The following ZNF415 variants were observed in gnomAD, a reference collection of about 807,000 sequenced individuals.
ZNF415 encodes the protein zinc finger protein 415.
ZNF415 carries 5 observed loss-of-function variants against 7.3 expected under a neutral mutation model. The ratio of observed to expected loss-of-function variants is 0.69; its 90% CI spans 0.36 to 1.44. The LOEUF (loss-of-function observed/expected upper bound fraction) is 1.44. Ranked by LOEUF, ZNF415 falls within the 40% of genes most tolerant of loss-of-function variation. The pLI is 0.04. For synonymous variants in ZNF415, 207 were observed against 226.3 expected, an observed-to-expected ratio of 0.91 and a Z score of 0.77; for missense variants, 628 against 664.8, an observed-to-expected ratio of 0.94 and a Z score of 0.61.
rs61733666 is a variant in ZNF415 at position 53,108,549 on chromosome 19, T to C, written c.1496A>G (p.Asn499Ser). ...IHTGEKPYKCNECGKSFSVRP... is the reference protein window; with the variant it reads ...IHTGEKPYKCSECGKSFSVRP... Reference sequence around the variant, plus strand: ...CACACTAAAGGATTTGCCACACTCATTACATTTGTAAGGTTTTTCTCCAGT... The same window carrying C: ...CACACTAAAGGATTTGCCACACTCACTACATTTGTAAGGTTTTTCTCCAGT... Residue 499 changes from asparagine (N) to serine (S), a missense_variant, in exon 4 of 4, where the codon AAT becomes AGT. Transcript: ENST00000243643. The C allele has an allele frequency of 2.5e-6, 4 of 1,614,144 alleles. No individual in the cohort carries two copies. The highest frequency in any genetic ancestry group is 3.4e-6 in the Non-Finnish European group (4 of 1,180,002).
At chr19:53,116,694 CAG>C (rs2087114138) in intron 2 of ZNF415, among the ~76,000 whole-genome samples, 1 of 150,316 alleles carries the variant, frequency 6.7e-6, no homozygotes, top group Non-Finnish European at 1.5e-5. Context: ...TGGCTCACTG[CAG>C]ACTCAATCTC....
At chr19:53,115,609 A>C (rs1266259237) in intron 3 of ZNF415, 2 of 953,478 alleles carry the variant, frequency 2.1e-6, no homozygotes, top group African/African-American at 3.3e-5. Context: ...CACAGGATAT[A>C]AACATTTGTT....
intron 3 of ZNF415, among the ~76,000 whole-genome samples, chr19:53,114,392 T>C (rs59504768): frequency 0.16 from 23,717 of 152,062 alleles, 2,400 homozygotes; most frequent in African/African-American, 0.29. Context: ...GGTCTTGAAC[T>C]CCTGACCTCA....
At chr19:53,110,857 T>A (rs1278070290) in intron 3 of ZNF415, among the ~76,000 whole-genome samples, 1 of 152,170 alleles carries the variant, frequency 6.6e-6, no homozygotes, top group East Asian at 1.9e-4. Flanking sequence ...CCTGCACTTA[T>A]GTAACAAACA....
intron 2 of ZNF415, 132 bp downstream of exon 2, chr19:53,122,530 G>A: frequency 6.3e-7 from 1 of 1,597,780 alleles, no homozygotes; most frequent in Non-Finnish European, 8.5e-7. Context: ...CTGAGGGAAG[G>A]CACGGGTCAA....
At chr19:53,119,721 C>T (rs2087676221) in intron 2 of ZNF415, among the ~76,000 whole-genome samples, 2 of 151,714 alleles carry the variant, frequency 1.3e-5, no homozygotes, top group South Asian at 2.1e-4. Flanking sequence ...AAAATGGATA[C>T]GTTACAACTG....
At chr19:53,128,891 C>T (rs1202850243) in intron 1 of ZNF415, among the ~76,000 whole-genome samples, 4 of 100,914 alleles carry the variant, frequency 4.0e-5, no homozygotes, top group Admixed American at 1.0e-4. Flanking sequence ...GCAGTCATCC[C>T]GTGGCCCAGA....
At chr19:53,130,410 T>C (rs1210384052) in intron 1 of ZNF415, among the ~76,000 whole-genome samples, 1 of 151,886 alleles carries the variant, frequency 6.6e-6, no homozygotes, top group Non-Finnish European at 1.5e-5. Flanking sequence ...GGAAAGATTT[T>C]GAAATTGTTA....
chr19:53,112,710 G>A (rs910379695), intron 3 of ZNF415, among the ~76,000 whole-genome samples: 5 of 152,246 alleles, frequency 3.3e-5, no homozygotes, highest in Non-Finnish European at 1.5e-5. Context: ...AAGGGCAAGA[G>A]CACAGGAGAG....
At chr19:53,112,238 C>T (rs1428542823) in intron 3 of ZNF415, among the ~76,000 whole-genome samples, 4 of 152,288 alleles carry the variant, frequency 2.6e-5, no homozygotes, top group Non-Finnish European at 4.4e-5. Flanking sequence ...GCAACCACGC[C>T]GGGCCATCAG....
chr19:53,131,167 G>A (rs1338715724), intron 1 of ZNF415, among the ~76,000 whole-genome samples: 4 of 142,422 alleles, frequency 2.8e-5, no homozygotes, highest in Non-Finnish European at 4.5e-5. Flanking sequence ...GTGGCCCAGG[G>A]AAGCCAAAAG....
In ZNF415 at chr19:53,108,333, T is replaced by C. The variant is rs2085679988; in HGVS notation, c.*44A>G. Reference sequence around the variant, plus strand: ...TGGTTTCTCTCTGATATAAATTCTTTGATGACTCACAGGATTTAAACTTTG... The same window carrying C: ...TGGTTTCTCTCTGATATAAATTCTTCGATGACTCACAGGATTTAAACTTTG... On this transcript the variant is annotated 3_prime_UTR_variant, in exon 4 of 4. Coordinates refer to ENST00000243643, the MANE Select transcript of ZNF415 (RefSeq NM_018355.4). 6.5e-7 allele frequency: 1 copy of C among 1,528,188 alleles called. No homozygotes were observed. The highest frequency in any genetic ancestry group is 8.8e-7 in the Non-Finnish European group (1 of 1,138,012). The allele number at this position is 1,528,188 out of a possible 1,614,324, so 94.7% of individuals were successfully genotyped here. A position where few individuals can be genotyped will look rare whatever the true frequency, so the allele number is the denominator to read the frequency against.
At chr19:53,122,821 A>G in intron 1 of ZNF415, 78 bp from the exon 2 acceptor site, 3 of 1,149,378 alleles carry the variant, frequency 2.6e-6, no homozygotes, top group Non-Finnish European at 3.8e-6. Context: ...ACACATACAC[A>G]GGGAGGAGCT....
At chr19:53,117,441 C>CAAAAAAA (rs58567730) in intron 2 of ZNF415, among the ~76,000 whole-genome samples, 5 of 123,514 alleles carry the variant, frequency 4.0e-5, no homozygotes, top group African/African-American at 1.5e-4. Flanking sequence ...AATTCCGTCT[C>CAAAAAAA]AAAAAAAAAA....
chr19:53,123,914 T>A (rs911396718), intron 1 of ZNF415: 3 of 208,900 alleles, frequency 1.4e-5, no homozygotes, highest in Non-Finnish European at 2.8e-5. Flanking sequence ...CACCTGAAAG[T>A]GGAGATACCT....
At chr19:53,132,357 C>T (rs1419124784) in intron 1 of ZNF415, among the ~76,000 whole-genome samples, 1 of 152,088 alleles carries the variant, frequency 6.6e-6, no homozygotes, top group Non-Finnish European at 1.5e-5. Context: ...AGGACAGGCC[C>T]TGAGCACCTC....
chr19:53,125,191 A>C lies in ZNF415; in HGVS notation c.-67-2448T>G, dbSNP rs145533283. Among the ~76,000 whole-genome samples, 1,364 of 151,826 alleles carry C rather than the reference A, an allele frequency of 9.0e-3. 29 individuals carry two copies. The highest frequency in any genetic ancestry group is 0.031 in the African/African-American group (1,265 of 41,306). ...CCCGAGTAGCTGGGATTACAGGCAC[A>C]TGCCACCATGCCCGGCTAATTTCTG... On this transcript the variant is annotated intron_variant, in intron 1 of 3. Transcript: ENST00000243643.
At chr19:53,123,497 G>C (rs1192387168) in intron 1 of ZNF415, 4 of 398,620 alleles carry the variant, frequency 1.0e-5, no homozygotes, top group Admixed American at 4.4e-5. Flanking sequence ...AGGGGTGTTT[G>C]CACCTGCAGC....
intron 1 of ZNF415, chr19:53,129,758 A>G (rs1183628047): frequency 1.0e-5 from 4 of 394,788 alleles, no homozygotes; most frequent in Non-Finnish European, 1.8e-5. Flanking sequence ...CCTTTATCAC[A>G]TCTCCCTTAG....
Sources: gnomAD v4.1 joint callset for allele counts (sites outside exome capture counted in the v4.1 genomes callset) on GRCh38, gnomAD v4.1.1 for gene constraint, MANE v1.5 for transcripts, NCBI Gene and HGNC (gene_info 2026-07-23, HGNC 2026-07-21) for gene names.